Variants in RGS22 observed in about 807,000 individuals in gnomAD.
RGS22 encodes regulator of G-protein signaling 22.
Under a neutral mutation model 172.9 loss-of-function variants are expected in RGS22, and 148 were observed. The observed-to-expected ratio is 0.86, with a 90% confidence interval of 0.75 to 0.98. The LOEUF is 0.98. RGS22 is among the 50% of genes least tolerant of loss of function. The pLI is 0.00. For synonymous variants in RGS22, 458 were observed against 480.2 expected, an observed-to-expected ratio of 0.95 and a Z score of 0.60; for missense variants, 1,347 against 1,440.8, an observed-to-expected ratio of 0.93 and a Z score of 1.05.
In RGS22 at chr8:100,047,474, C is replaced by G; in HGVS notation, c.1812G>C (p.Val604=). 3.1e-6 allele frequency: 5 copies of G among 1,594,066 alleles called. No homozygotes were observed. The highest frequency in any genetic ancestry group is 4.3e-6 in the Non-Finnish European group (5 of 1,172,842). The change falls in exon 11 of 28, where the codon GTG becomes GTC. Residue 604 remains valine (V), a synonymous_variant. Coordinates refer to ENST00000360863, the MANE Select transcript of RGS22 (RefSeq NM_015668.5). ...LLYPGSSKDD[V]IEKGSKYMSE... Reference sequence around the variant, plus strand: ...AAAGTTGCACCTACCCTTTCTCAATCACATCATCCTTAGAAGAACCTGGAT... The same window carrying G: ...AAAGTTGCACCTACCCTTTCTCAATGACATCATCCTTAGAAGAACCTGGAT...
intron 6 of RGS22, among the ~76,000 whole-genome samples, chr8:100,068,670 G>A (rs1810718213): frequency 6.6e-6 from 1 of 151,968 alleles, no homozygotes; most frequent in Non-Finnish European, 1.5e-5. Context: ...AGTGGCTCAC[G>A]CCTGTAATAC....
At chr8:100,061,869 T>G (rs1417272130) in intron 9 of RGS22, among the ~76,000 whole-genome samples, 1 of 152,194 alleles carries the variant, frequency 6.6e-6, no homozygotes, top group Non-Finnish European at 1.5e-5. Flanking sequence ...GCAGCACTAT[T>G]CACAATAGCA....
chr8:100,102,244 G>A (rs185988534), intron 2 of RGS22, among the ~76,000 whole-genome samples: 1 of 152,322 alleles, frequency 6.6e-6, no homozygotes, highest in African/African-American at 2.4e-5. Context: ...GCTCTCCAGA[G>A]AAGTAGGACA....
chr8:100,009,930 T>C (rs1816190847), intron 14 of RGS22, among the ~76,000 whole-genome samples: 1 of 152,196 alleles, frequency 6.6e-6, no homozygotes, highest in South Asian at 2.1e-4. Context: ...GGTGGTGACA[T>C]GGAGATGAAT....
intron 14 of RGS22, among the ~76,000 whole-genome samples, chr8:100,023,754 T>C (rs1447067908): frequency 6.6e-6 from 1 of 152,154 alleles, no homozygotes; most frequent in East Asian, 1.9e-4. Flanking sequence ...TTTCTTTACA[T>C]GTGCTGGCAT....
chr8:100,063,413 T>C lies in RGS22; in HGVS notation c.1352+3A>G. ...CTATTGAAAAATAAAAAAATAGAATTACCTTTGATGTCTTCCAGGATCCTT... is the reference window on the plus strand; with the variant it reads ...CTATTGAAAAATAAAAAAATAGAATCACCTTTGATGTCTTCCAGGATCCTT... On this transcript the variant is annotated splice_donor_region_variant and intron_variant, in intron 8 of 27. Transcript: ENST00000360863. The C allele has an allele frequency of 2.0e-6, 3 of 1,510,346 alleles. No individual in the cohort carries two copies. Among genetic ancestry groups the C allele is most frequent in the Non-Finnish European group, 1.8e-6 (2 of 1,128,978 alleles). The allele number at this position is 1,510,346 out of a possible 1,614,324, so 93.6% of individuals were successfully genotyped here. A position where few individuals can be genotyped will look rare whatever the true frequency, so the allele number is the denominator to read the frequency against.
At chr8:100,096,298 A>G (rs893090963) in intron 2 of RGS22, among the ~76,000 whole-genome samples, 9 of 152,232 alleles carry the variant, frequency 5.9e-5, no homozygotes, top group African/African-American at 1.9e-4. Context: ...AAGAAAATTG[A>G]GTTACAATCA....
At chr8:100,075,815 T>A (rs1586217270) in intron 4 of RGS22, among the ~76,000 whole-genome samples, 2 of 152,362 alleles carry the variant, frequency 1.3e-5, no homozygotes, top group Non-Finnish European at 2.9e-5. Context: ...TTTTCCAAAG[T>A]AGCTGTACTG....
chr8:100,052,852 G>C lies in RGS22; in HGVS notation c.1639C>G (p.Leu547Val), dbSNP rs545002879. Reference sequence around the variant, plus strand: ...CAAGATTTGGGTCTTAATGGCAAGAGGGTTGCCATTTGTGGAAAAGGGTCA... The same window carrying C: ...CAAGATTTGGGTCTTAATGGCAAGACGGTTGCCATTTGTGGAAAAGGGTCA... Reference protein sequence around the residue: ...DIDPFPQMATLLPLRPKSCIP... With the variant: ...DIDPFPQMATVLPLRPKSCIP... The change falls in exon 10 of 28, where the codon CTC becomes GTC. Residue 547 changes from leucine (L) to valine (V), a missense_variant. Physicochemically the swap from Leu to Val is conservative, Grantham distance 32. Transcript: ENST00000360863. The C allele has an allele frequency of 7.4e-6, 12 of 1,614,058 alleles. No homozygotes were observed. In the South Asian group the frequency reaches 1.3e-4, roughly 18 times the overall value.
chr8:100,004,222 A>G, intron 16 of RGS22, 124 bp from the exon 17 acceptor site: 1 of 1,174,642 alleles, frequency 8.5e-7, no homozygotes, highest in Non-Finnish European at 1.1e-6. Flanking sequence ...TCAATGGCAG[A>G]GTGGGTAAAG....
At chr8:100,044,291 G>A (rs982913500) in intron 11 of RGS22, among the ~76,000 whole-genome samples, 3 of 152,242 alleles carry the variant, frequency 2.0e-5, no homozygotes, top group Admixed American at 2.0e-4. Flanking sequence ...CTGTCGCCCA[G>A]GCTGGAGTGC....
At chr8:100,027,203 C>A (rs1439643649) in intron 14 of RGS22, among the ~76,000 whole-genome samples, 3 of 151,884 alleles carry the variant, frequency 2.0e-5, no homozygotes, top group Non-Finnish European at 4.4e-5. Flanking sequence ...CACTGCTCTC[C>A]AGCTTGGGTG....
chr8:100,100,584 C>T (rs1470400074), intron 2 of RGS22, among the ~76,000 whole-genome samples: 5 of 152,164 alleles, frequency 3.3e-5, no homozygotes, highest in Non-Finnish European at 5.9e-5. Context: ...GCCATTGCAC[C>T]TGGCCTTTTT....
intron 19 of RGS22, among the ~76,000 whole-genome samples, chr8:99,997,687 AC>A (rs1814543352): frequency 6.6e-6 from 1 of 152,168 alleles, no homozygotes; most frequent in East Asian, 1.9e-4. Context: ...ATGTTTTCTG[AC>A]CCCTGTGTTA....
At chr8:100,097,604 A>G (rs1201277331) in intron 2 of RGS22, among the ~76,000 whole-genome samples, 1 of 152,220 alleles carries the variant, frequency 6.6e-6, no homozygotes, top group Non-Finnish European at 1.5e-5. Flanking sequence ...CTTTATGTAC[A>G]AGGAAATAAG....
chr8:99,984,930 C>G (rs914980116), intron 21 of RGS22, among the ~76,000 whole-genome samples: 2 of 152,122 alleles, frequency 1.3e-5, no homozygotes, highest in African/African-American at 2.4e-5. Flanking sequence ...TTTTTAACGG[C>G]TAGAGAATCT....
At chr8:100,038,284 G>C (rs915466292) in intron 14 of RGS22, among the ~76,000 whole-genome samples, 1 of 151,964 alleles carries the variant, frequency 6.6e-6, no homozygotes, top group Non-Finnish European at 1.5e-5. Context: ...CCCCACAAAA[G>C]AGGCTATTCT....
intron 8 of RGS22, 117 bp from the exon 9 acceptor site, chr8:100,062,869 G>A: frequency 1.2e-6 from 1 of 808,146 alleles, no homozygotes; most frequent in Non-Finnish European, 2.0e-6. Context: ...CTAAAACAGG[G>A]TTCTCTTAAG....
intron 3 of RGS22, among the ~76,000 whole-genome samples, chr8:100,083,428 C>T (rs1411780763): frequency 6.6e-6 from 1 of 152,054 alleles, no homozygotes; most frequent in African/African-American, 2.4e-5. Flanking sequence ...AGTGCAGTGG[C>T]GTGATCTCGG....
Sources: allele counts gnomAD v4.1 joint callset (sites outside exome capture counted in the v4.1 genomes callset), GRCh38; gene constraint gnomAD v4.1.1; transcripts MANE v1.5; gene names NCBI Gene and HGNC (gene_info 2026-07-23, HGNC 2026-07-21).